Variants in USP15 observed in about 807,000 individuals in gnomAD.
The protein encoded by USP15 is ubiquitin carboxyl-terminal hydrolase 15.
USP15 carries 18 observed loss-of-function variants against 127.1 expected under a neutral mutation model. That is an observed-to-expected ratio of 0.14 (90% CI 0.10 to 0.21). The LOEUF (loss-of-function observed/expected upper bound fraction) is 0.21, where lower values mean the gene tolerates loss of function less well. Among genes scored for constraint, USP15 ranks in the 10% least tolerant of loss-of-function variants. The pLI is 1.00. For synonymous variants in USP15, 364 were observed against 393.7 expected, an observed-to-expected ratio of 0.92 and a Z score of 0.89; for missense variants, 805 against 1,159.9, an observed-to-expected ratio of 0.69 and a Z score of 4.44.
At chr12:62,401,145 C>T in intron 20 of USP15, 42 bp from the exon 21 acceptor site, 4 of 1,473,942 alleles carry the variant, frequency 2.7e-6, no homozygotes, top group Non-Finnish European at 3.8e-6. Context: ...CCCCAGAAAA[C>T]CAAGATCATT....
chr12:62,262,547 G>A (rs1241158411), intron 1 of USP15, among the ~76,000 whole-genome samples: 1 of 152,200 alleles, frequency 6.6e-6, no homozygotes, highest in Non-Finnish European at 1.5e-5. Context: ...TGACACTACA[G>A]GATGATAGGA....
intron 6 of USP15, chr12:62,335,430 A>C: frequency 7.3e-7 from 1 of 1,374,972 alleles, no homozygotes; most frequent in East Asian, 2.7e-5. Context: ...TGTCGACCAC[A>C]TCCATCCTTA....
intron 8 of USP15, 77 bp from the exon 9 acceptor site, chr12:62,381,413 C>G (rs1381388398): frequency 7.9e-6 from 10 of 1,259,010 alleles, no homozygotes; most frequent in Non-Finnish European, 1.1e-5. Context: ...CAATTTGTTT[C>G]TCTCTTCATA....
chr12:62,337,171 C>G (rs11174430), intron 6 of USP15, among the ~76,000 whole-genome samples: 1 of 152,146 alleles, frequency 6.6e-6, no homozygotes. Flanking sequence ...AATTCTTCAT[C>G]GAAAGCCCAA....
rs2067845358 is a variant in USP15 at position 62,405,725 on chromosome 12, A to G, written c.*1350A>G. 1 of 152,606 alleles carries G rather than the reference A, an allele frequency of 6.6e-6. No homozygotes were observed. Among genetic ancestry groups the G allele is most frequent in the Non-Finnish European group, 1.5e-5 (1 of 68,004 alleles). 9.5% of individuals were successfully genotyped at this position (152,606 alleles called of 1,614,324 possible). A position where few individuals can be genotyped will look rare whatever the true frequency, so the allele number is the denominator to read the frequency against. On this transcript the variant is annotated 3_prime_UTR_variant, in exon 22 of 22. Coordinates refer to ENST00000280377, the MANE Select transcript of USP15 (RefSeq NM_001252078.2). ...AATTGCTTTGTGTCCCACTGTTATTAAAGCAAAAAGTATAATGTTCTTCAC... is the reference window on the plus strand; with the variant it reads ...AATTGCTTTGTGTCCCACTGTTATTGAAGCAAAAAGTATAATGTTCTTCAC...
Position 62,273,952 on chromosome 12 carries a change from C to A in USP15, c.89+13449C>A, listed in dbSNP as rs1008144383. Among the ~76,000 whole-genome samples, 9 of 152,130 alleles carry A rather than the reference C, an allele frequency of 5.9e-5. No homozygotes were observed. The South Asian group carries it at 1.7e-3, about 28-fold the overall frequency. On this transcript the variant is annotated intron_variant, in intron 1 of 21. Coordinates refer to ENST00000280377, the MANE Select transcript of USP15 (RefSeq NM_001252078.2). ...TAGCTTGGTGATAATGTTATCATAT[C>A]CTCTGCTATCTCACTTTTAAAAGTG...
chr12:62,371,608 A>G (rs1177572174), intron 8 of USP15, among the ~76,000 whole-genome samples: 2 of 152,142 alleles, frequency 1.3e-5, no homozygotes, highest in Non-Finnish European at 2.9e-5. Context: ...TTATTTTTCT[A>G]GCGGTTCATT....
chr12:62,370,285 A>G (rs1255799887), intron 8 of USP15, among the ~76,000 whole-genome samples: 1 of 152,120 alleles, frequency 6.6e-6, no homozygotes. Context: ...TTCAGCGTAT[A>G]TACATAGTCA....
At chr12:62,365,732 A>G (rs1157956907) in intron 8 of USP15, among the ~76,000 whole-genome samples, 1 of 152,120 alleles carries the variant, frequency 6.6e-6, no homozygotes, top group Non-Finnish European at 1.5e-5. Context: ...TTTTTGTATA[A>G]GTTGTAAGGA....
At chr12:62,288,753 T>C (rs2063859293) in intron 1 of USP15, among the ~76,000 whole-genome samples, 6 of 152,198 alleles carry the variant, frequency 3.9e-5, no homozygotes, top group Admixed American at 2.6e-4. Context: ...TTTATTATTT[T>C]GAGATATGTT....
chr12:62,380,942 C>G (rs1159223529), intron 8 of USP15, among the ~76,000 whole-genome samples: 1 of 151,958 alleles, frequency 6.6e-6, no homozygotes, highest in Admixed American at 6.6e-5. Flanking sequence ...TACCAGAGTT[C>G]ACATACTAAA....
rs140498340 is a variant in USP15 at position 62,362,178 on chromosome 12, T to C, written c.915+6703T>C. On this transcript the variant is annotated intron_variant, in intron 8 of 21. Transcript: ENST00000280377. The stretch of plus-strand genomic sequence containing the variant: ...AGTTGTTATTCAGTACATTTTGAGA[T>C]AATGTATTTTTTTGAAATTATGCCA... 3.3e-5 allele frequency among the ~76,000 whole-genome samples: 5 copies of C among 152,242 alleles called. No individual in the cohort carries two copies. The East Asian group carries it at 9.6e-4, about 29-fold the overall frequency.
At chr12:62,364,751 C>T (rs962804986) in intron 8 of USP15, among the ~76,000 whole-genome samples, 1 of 151,856 alleles carries the variant, frequency 6.6e-6, no homozygotes, top group Admixed American at 6.6e-5. Context: ...GTGATGTCCC[C>T]CTCCCTGTGT....
At chr12:62,359,841 G>A (rs1282502107) in intron 8 of USP15, among the ~76,000 whole-genome samples, 1 of 152,044 alleles carries the variant, frequency 6.6e-6, no homozygotes, top group Non-Finnish European at 1.5e-5. Context: ...TGTTGAGTTT[G>A]GTTACCCCTA....
At position 62,326,853 on chromosome 12, in the gene USP15, C is replaced by T. The variant is rs192842899; in HGVS notation, c.683+920C>T. Among the ~76,000 whole-genome samples the T allele has an allele frequency of 1.9e-3, 295 of 152,242 alleles. 3 individuals are homozygous for T. Among genetic ancestry groups the T allele is most frequent in the African/African-American group, 6.8e-3 (281 of 41,550 alleles). ...TTTGATTTAAAACTACAATGCCCTCCGGGTGCAGTGGCACATCCCTGTAAT... is the reference window on the plus strand; with the variant it reads ...TTTGATTTAAAACTACAATGCCCTCTGGGTGCAGTGGCACATCCCTGTAAT... On this transcript the variant is annotated intron_variant, in intron 6 of 21. Transcript: ENST00000280377.
At chr12:62,295,139 C>T (rs750855624) in intron 2 of USP15, among the ~76,000 whole-genome samples, 1 of 152,116 alleles carries the variant, frequency 6.6e-6, no homozygotes, top group Non-Finnish European at 1.5e-5. Flanking sequence ...ACCTAGACCC[C>T]CCCCCATAGG....
rs964567342 is a variant in USP15, at chr12:62,396,310, G to A, written c.2586G>A (p.Ser862=). Residue 862 remains serine, a synonymous_variant, in exon 20 of 22, where the codon TCG becomes TCA. Transcript: ENST00000280377. ...TTTTAAACAGTGACTTGGATATGTC[G>A]GAATTCTTAATTAATCCAAATGCAG... ...VDFPINDLDM[S]EFLINPNAGP... The A allele has an allele frequency of 1.3e-6, 2 of 1,582,764 alleles. No individual in the cohort carries two copies. The highest frequency in any genetic ancestry group is 1.2e-5 in the South Asian group (1 of 85,246).
intron 8 of USP15, among the ~76,000 whole-genome samples, chr12:62,366,842 T>G (rs2066490458): frequency 6.6e-6 from 1 of 152,212 alleles, no homozygotes; most frequent in South Asian, 2.1e-4. Context: ...GTTTACGTGA[T>G]GGATTACTTT....
At chr12:62,326,001 C>T in intron 6 of USP15, 68 bp downstream of exon 6, 4 of 1,360,702 alleles carry the variant, frequency 2.9e-6, no homozygotes, top group Middle Eastern at 1.9e-4. Flanking sequence ...TAATCAAATC[C>T]ACAATGATAG....
Sources: allele counts gnomAD v4.1 joint callset (sites outside exome capture counted in the v4.1 genomes callset), GRCh38; gene constraint gnomAD v4.1.1; transcripts MANE v1.5; gene names NCBI Gene and HGNC (gene_info 2026-07-23, HGNC 2026-07-21).